Variants in KIF3A observed in about 807,000 individuals in gnomAD.
KIF3A encodes kinesin family member 3A.
In KIF3A, 27 loss-of-function variants were observed where a neutral mutation model predicts 92.6. The ratio of observed to expected loss-of-function variants is 0.29; its 90% CI spans 0.21 to 0.40. KIF3A has a LOEUF of 0.40. Among genes scored for constraint, KIF3A ranks in the 10% least tolerant of loss-of-function variants. The pLI is 1.00. For missense variants in KIF3A, 581 were observed against 872.6 expected (o/e 0.67, Z 4.21); for synonymous variants, 250 against 275.4 (o/e 0.91, Z 0.92).
intron 17 of KIF3A, 131 bp from the exon 18 acceptor site, chr5:132,699,426 G>T: frequency 1.2e-6 from 1 of 833,918 alleles, no homozygotes; most frequent in Non-Finnish European, 1.9e-6. Context: ...AATGTCTAAT[G>T]ACATCATCTT....
chr5:132,701,736 A>C (rs1753044448), intron 15 of KIF3A, among the ~76,000 whole-genome samples: 1 of 152,124 alleles, frequency 6.6e-6, no homozygotes, highest in Non-Finnish European at 1.5e-5. Context: ...TCTATATTTT[A>C]CCATATACAC....
chr5:132,716,761 C>T (rs1364773108), intron 6 of KIF3A, 84 bp downstream of exon 6: 1 of 1,406,534 alleles, frequency 7.1e-7, no homozygotes. Context: ...GTAAATCATA[C>T]CTTTTCACTT....
chr5:132,724,956 A>G (rs1159302460), intron 4 of KIF3A, among the ~76,000 whole-genome samples: 1 of 148,778 alleles, frequency 6.7e-6, no homozygotes, highest in African/African-American at 2.5e-5. Context: ...GCAATGGAAC[A>G]TAAGAAATCC....
intron 8 of KIF3A, among the ~76,000 whole-genome samples, chr5:132,714,219 C>T (rs1357167369): frequency 6.6e-6 from 1 of 151,986 alleles, no homozygotes; most frequent in Admixed American, 6.6e-5. Flanking sequence ...GTAAGATACC[C>T]AGAGCAGTCA....
intron 18 of KIF3A, among the ~76,000 whole-genome samples, chr5:132,698,343 G>T (rs777541082): frequency 3.3e-5 from 5 of 152,098 alleles, no homozygotes; most frequent in Non-Finnish European, 7.4e-5. Flanking sequence ...ATAAGCTCCA[G>T]CCCAGGACTC....
chr5:132,717,363 A>C (rs1015541431), intron 5 of KIF3A, among the ~76,000 whole-genome samples: 2 of 152,126 alleles, frequency 1.3e-5, no homozygotes, highest in Non-Finnish European at 2.9e-5. Context: ...CAATAATAAT[A>C]AAGAGAATTT....
intron 4 of KIF3A, among the ~76,000 whole-genome samples, chr5:132,722,801 A>G (rs1241129771): frequency 6.6e-6 from 1 of 152,188 alleles, no homozygotes; most frequent in Non-Finnish European, 1.5e-5. Flanking sequence ...CAATAACACC[A>G]ATCAAGGGGT....
chr5:132,737,408 C>T lies in KIF3A; in HGVS notation c.6+6G>A, dbSNP rs1754438749. 10 of 1,608,730 alleles carry T rather than the reference C, an allele frequency of 6.2e-6. No homozygotes were observed. The highest frequency in any genetic ancestry group is 7.6e-6 in the Non-Finnish European group (9 of 1,177,882). On this transcript the variant is annotated splice_donor_region_variant and intron_variant, in intron 1 of 18. Coordinates refer to ENST00000403231, the MANE Select transcript of KIF3A (RefSeq NM_001300791.2). ...GAAACCCCAGAAGCGAAGCGACTCT[C>T]CTCACCGGCATCTTGGCCCCCTCCC...
intron 4 of KIF3A, among the ~76,000 whole-genome samples, chr5:132,724,154 T>C (rs540403459): frequency 2.6e-5 from 4 of 151,748 alleles, no homozygotes; most frequent in Admixed American, 2.6e-4. Flanking sequence ...GAAACAGGTG[T>C]TGGAGAGGAT....
In KIF3A at chr5:132,737,476, C is replaced by G. The variant is rs528869174; in HGVS notation, c.-57G>C. 5.0e-6 allele frequency: 8 copies of G among 1,590,948 alleles called. No individual in the cohort carries two copies. The East Asian group carries it at 1.6e-4, about 33-fold the overall frequency. On this transcript the variant is annotated 5_prime_UTR_variant, in exon 1 of 19. Coordinates refer to ENST00000403231, the MANE Select transcript of KIF3A (RefSeq NM_001300791.2). The stretch of plus-strand genomic sequence containing the variant: ...CCGCCCGGGGTGCAGCCCAGCGACA[C>G]CGGGTGCGCAGAAAGGATGGCCAGA...
intron 5 of KIF3A, among the ~76,000 whole-genome samples, chr5:132,720,275 A>G (rs1753782204): frequency 6.6e-6 from 1 of 152,264 alleles, no homozygotes; most frequent in African/African-American, 2.4e-5. Context: ...GAGGACTAAG[A>G]GAGCATCTTT....
chr5:132,689,463 G>A (rs1752612758), downstream of KIF3A: 1 of 152,194 alleles, frequency 6.6e-6, no homozygotes, highest in African/African-American at 2.4e-5. Flanking sequence ...AAGACTATAA[G>A]CAGGTCATCA....
chr5:132,731,966 C>T (rs964475155), intron 2 of KIF3A, among the ~76,000 whole-genome samples: 8 of 152,116 alleles, frequency 5.3e-5, no homozygotes, highest in African/African-American at 1.7e-4. Context: ...GCCTCGGCCT[C>T]CAATGTGCTG....
chr5:132,716,127 C>T, intron 7 of KIF3A, 118 bp downstream of exon 7: 1 of 950,962 alleles, frequency 1.1e-6, no homozygotes, highest in South Asian at 1.7e-5. Context: ...AAAAGGACAA[C>T]CACAAGTCAA....
rs921880751 is a variant in KIF3A at position 132,708,281 on chromosome 5, C to T, written c.1300+626G>A. Among the ~76,000 whole-genome samples, 8 of 66,480 alleles carry T rather than the reference C, an allele frequency of 1.2e-4. No individual in the cohort carries two copies. In the South Asian group the frequency reaches 4.1e-3, roughly 34 times the overall value. 43.6% of individuals were successfully genotyped at this position (66,480 alleles called of 152,430 possible). A position where few individuals can be genotyped will look rare whatever the true frequency, so the allele number is the denominator to read the frequency against. On this transcript the variant is annotated intron_variant, in intron 10 of 18. Coordinates refer to ENST00000403231, the MANE Select transcript of KIF3A (RefSeq NM_001300791.2). ...TAGGCAAAAGAGCAAGACTCCGTCT[C>T]AAAAAAAAAAAAAAAAAAAGAAAGA...
chr5:132,724,829 A>AT (rs1753976530), intron 4 of KIF3A, among the ~76,000 whole-genome samples: 1 of 42,420 alleles, frequency 2.4e-5, no homozygotes, highest in African/African-American at 5.8e-5. Context: ...ATATATATAT[A>AT]TATATATATA....
chr5:132,702,534 T>C (rs765393454), intron 14 of KIF3A, 24 bp downstream of exon 14: 5 of 1,351,256 alleles, frequency 3.7e-6, no homozygotes, highest in Admixed American at 3.9e-5. Context: ...ACTGCATTAG[T>C]AGGTAATTTC....
chr5:132,719,616 C>T (rs1435821758), intron 5 of KIF3A, among the ~76,000 whole-genome samples: 7 of 151,940 alleles, frequency 4.6e-5, no homozygotes, highest in Admixed American at 1.3e-4. Context: ...CACAGCCTCC[C>T]GAGTAACTGG....
At position 132,734,511 on chromosome 5, in the gene KIF3A, G is replaced by T. The variant is rs778222059; in HGVS notation, c.7-33C>A. On this transcript the variant is annotated intron_variant, in intron 1 of 18. Coordinates refer to ENST00000403231, the MANE Select transcript of KIF3A (RefSeq NM_001300791.2). The stretch of plus-strand genomic sequence containing the variant: ...AGATAATATTTACAAATAATGAAAA[G>T]AACATTAATTTTTACCCTCATCAGA... 5 of 1,558,698 alleles carry T rather than the reference G, an allele frequency of 3.2e-6. No homozygotes were observed. The South Asian group carries it at 6.1e-5, about 19-fold the overall frequency.
Sources: gnomAD v4.1 joint callset for allele counts (sites outside exome capture counted in the v4.1 genomes callset) on GRCh38, gnomAD v4.1.1 for gene constraint, MANE v1.5 for transcripts, NCBI Gene and HGNC (gene_info 2026-07-23, HGNC 2026-07-21) for gene names.